GALNTL6: variants seen among roughly 807,000 people sequenced by gnomAD.
GALNTL6 encodes the protein polypeptide N-acetylgalactosaminyltransferase like 6.
A neutral mutation model predicts 73.7 loss-of-function variants in GALNTL6; 46 were observed. The observed-to-expected ratio is 0.62, with a 90% CI of 0.49 to 0.80. The LOEUF is 0.80. GALNTL6 is among the 30% of genes least tolerant of loss of function. The pLI is 0.00. For synonymous variants in GALNTL6, 259 were observed against 263.7 expected, an observed-to-expected ratio of 0.98 and a Z score of 0.17; for missense variants, 604 against 755.0, an observed-to-expected ratio of 0.80 and a Z score of 2.34.
Position 172,576,455 on chromosome 4 carries a change from A to G in GALNTL6, c.553+227766A>G, listed in dbSNP as rs556334006. 1.5e-3 allele frequency among the ~76,000 whole-genome samples: 221 copies of G among 152,336 alleles called. 3 individuals carry two copies. The highest frequency in any genetic ancestry group is 0.014 in the Admixed American group (220 of 15,302). On this transcript the variant is annotated intron_variant, in intron 5 of 12. Transcript: ENST00000506823. ...TAAATGATGGAAAGAGCTTGGGTCT[A>G]AGGGTTGTTTGAACATGGATGGTAA...
chr4:172,063,948 T>C (rs1011450065), intron 2 of GALNTL6, among the ~76,000 whole-genome samples: 2 of 152,218 alleles, frequency 1.3e-5, no homozygotes, highest in African/African-American at 4.8e-5. Flanking sequence ...AAGCATTACA[T>C]TGCAAATTTA....
chr4:172,800,707 A>G (rs1203046188), intron 5 of GALNTL6, among the ~76,000 whole-genome samples: 1 of 152,180 alleles, frequency 6.6e-6, no homozygotes, highest in African/African-American at 2.4e-5. Flanking sequence ...TTCCATTGTT[A>G]TGAAAATTGA....
At chr4:172,685,889 T>A (rs1414847157) in intron 5 of GALNTL6, among the ~76,000 whole-genome samples, 2 of 152,156 alleles carry the variant, frequency 1.3e-5, no homozygotes, top group African/African-American at 4.8e-5. Flanking sequence ...AGGCAGTCAA[T>A]AAGTAGTCCA....
At chr4:172,701,097 C>T (rs576427412) in intron 5 of GALNTL6, among the ~76,000 whole-genome samples, 1 of 152,082 alleles carries the variant, frequency 6.6e-6, no homozygotes. Flanking sequence ...GTCTTTTCCT[C>T]ACATTTCTCA....
intron 9 of GALNTL6, among the ~76,000 whole-genome samples, chr4:172,945,833 T>C (rs1323489705): frequency 6.6e-6 from 1 of 152,178 alleles, no homozygotes; most frequent in Non-Finnish European, 1.5e-5. Context: ...AGAGCTAGGC[T>C]GAATAATTGT....
intron 10 of GALNTL6, among the ~76,000 whole-genome samples, chr4:172,965,822 C>T (rs75387728): frequency 0.013 from 1,906 of 152,010 alleles, 15 homozygotes; most frequent in Non-Finnish European, 0.021. Flanking sequence ...ATTTTATAAA[C>T]ATATGTATTT....
chr4:171,917,328 C>T (rs561281781), intron 2 of GALNTL6, among the ~76,000 whole-genome samples: 3 of 152,084 alleles, frequency 2.0e-5, no homozygotes, highest in African/African-American at 7.2e-5. Flanking sequence ...TTGCTCCCTG[C>T]TGACTTAAAT....
intron 2 of GALNTL6, among the ~76,000 whole-genome samples, chr4:171,926,240 C>T (rs1393083407): frequency 6.6e-6 from 1 of 151,912 alleles, no homozygotes; most frequent in East Asian, 1.9e-4. Context: ...TCTATATTGC[C>T]ATTTCAATTT....
At chr4:172,631,559 C>T (rs1446804570) in intron 5 of GALNTL6, among the ~76,000 whole-genome samples, 1 of 152,214 alleles carries the variant, frequency 6.6e-6, no homozygotes, top group African/African-American at 2.4e-5. Context: ...TTCTTTTCTT[C>T]ACTCGATCTC....
chr4:171,989,855 C>T (rs199670345), intron 2 of GALNTL6, among the ~76,000 whole-genome samples: 117 of 143,780 alleles, frequency 8.1e-4, no homozygotes, highest in South Asian at 2.0e-3. Flanking sequence ...ATGAACTGGG[C>T]TGGGTTTTTC....
rs546597184 is a variant in GALNTL6 at position 171,887,989 on chromosome 4, C to T, written c.138+73271C>T. Reference sequence around the variant, plus strand: ...GAAATAGATCCACTAATAAAGAGTACTTTGTAGAATTGAATGTTTAGTCTT... The same window carrying T: ...GAAATAGATCCACTAATAAAGAGTATTTTGTAGAATTGAATGTTTAGTCTT... On this transcript the variant is annotated intron_variant, in intron 2 of 12. Coordinates refer to ENST00000506823, the MANE Select transcript of GALNTL6 (RefSeq NM_001034845.3). 4.0e-5 allele frequency among the ~76,000 whole-genome samples: 6 copies of T among 151,492 alleles called. 1 individual carries two copies. The South Asian group carries it at 1.2e-3, about 32-fold the overall frequency.
intron 2 of GALNTL6, among the ~76,000 whole-genome samples, chr4:171,892,436 GA>G (rs1736788756): frequency 6.6e-6 from 1 of 152,086 alleles, no homozygotes; most frequent in Admixed American, 6.6e-5. Flanking sequence ...AAATGAAAAG[GA>G]AAAGTAAATA....
Position 171,958,842 on chromosome 4 carries a change from T to G in GALNTL6, c.138+144124T>G, listed in dbSNP as rs1344096403. Among the ~76,000 whole-genome samples, 3 of 152,170 alleles carry G rather than the reference T, an allele frequency of 2.0e-5. No individual in the cohort carries two copies. The East Asian group carries it at 5.8e-4, about 29-fold the overall frequency. ...TCAAATATATGTTGTGATTTTATAT[T>G]CAGTTTTTAAAAGAAAATCTATTAT... On this transcript the variant is annotated intron_variant, in intron 2 of 12. Coordinates refer to ENST00000506823, the MANE Select transcript of GALNTL6 (RefSeq NM_001034845.3).
chr4:172,973,268 G>A (rs1484882660), intron 10 of GALNTL6, among the ~76,000 whole-genome samples: 1 of 152,124 alleles, frequency 6.6e-6, no homozygotes, highest in South Asian at 2.1e-4. Context: ...TACACATTCT[G>A]GTATGATATG....
At chr4:172,399,259 G>A (rs1036342046) in intron 5 of GALNTL6, among the ~76,000 whole-genome samples, 5 of 151,844 alleles carry the variant, frequency 3.3e-5, no homozygotes, top group African/African-American at 4.8e-5. Flanking sequence ...CCACAAATAC[G>A]TATTATAAAA....
At chr4:171,929,135 G>A (rs1738087394) in intron 2 of GALNTL6, among the ~76,000 whole-genome samples, 1 of 152,028 alleles carries the variant, frequency 6.6e-6, no homozygotes, top group Admixed American at 6.6e-5. Flanking sequence ...GGTGCAATCA[G>A]GACTCACTGC....
intron 9 of GALNTL6, among the ~76,000 whole-genome samples, chr4:172,946,327 T>C (rs1223989106): frequency 1.3e-5 from 2 of 152,142 alleles, no homozygotes; most frequent in Non-Finnish European, 2.9e-5. Flanking sequence ...TACAGTTGAC[T>C]CCCAAATAAT....
chr4:172,408,527 AAAAT>A (rs1389918100), intron 5 of GALNTL6, among the ~76,000 whole-genome samples: 1 of 151,980 alleles, frequency 6.6e-6, no homozygotes, highest in Non-Finnish European at 1.5e-5. Flanking sequence ...AAAATGTATA[AAAAT>A]AAATTATATA....
At position 172,733,559 on chromosome 4, in the gene GALNTL6, G is replaced by C. The variant is rs1467354481; in HGVS notation, c.554-75802G>C. ...CCCTATGTATGGTGAGAATGACCTA[G>C]TGGGAGGTAATTGAATCATGAGGGT... On this transcript the variant is annotated intron_variant, in intron 5 of 12. Coordinates refer to ENST00000506823, the MANE Select transcript of GALNTL6 (RefSeq NM_001034845.3). Among the ~76,000 whole-genome samples, 5 of 152,288 alleles carry C rather than the reference G, an allele frequency of 3.3e-5. No individual in the cohort carries two copies. The East Asian group carries it at 9.7e-4, about 29-fold the overall frequency.
Sources: gnomAD v4.1 joint callset for allele counts (sites outside exome capture counted in the v4.1 genomes callset) on GRCh38, gnomAD v4.1.1 for gene constraint, MANE v1.5 for transcripts, NCBI Gene and HGNC (gene_info 2026-07-23, HGNC 2026-07-21) for gene names.